The following PCDHA1 variants were observed in gnomAD, a reference collection of about 807,000 sequenced individuals.
PCDHA1 encodes the protein protocadherin alpha 1.
A neutral mutation model predicts 61.3 loss-of-function variants in PCDHA1; 42 were observed. That is an observed-to-expected ratio of 0.69 (90% confidence interval 0.54 to 0.89). The LOEUF (loss-of-function observed/expected upper bound fraction) is 0.89, where lower values mean the gene tolerates loss of function less well. Among genes scored for constraint, PCDHA1 ranks in the 40% least tolerant of loss-of-function variants. PCDHA1 has a pLI of 0.00. For synonymous variants in PCDHA1, 610 were observed against 553.8 expected, an observed-to-expected ratio of 1.10 and a Z score of -1.43; for missense variants, 1,256 against 1,235.3, an observed-to-expected ratio of 1.02 and a Z score of -0.25.
intron 1 of PCDHA1, chr5:140,882,471 C>A: frequency 6.2e-7 from 1 of 1,614,024 alleles, no homozygotes; most frequent in African/African-American, 1.3e-5. Flanking sequence ...CGGGTGGCGT[C>A]CAAAAGACAC....
At chr5:140,808,435 G>C in intron 1 of PCDHA1, 2 of 1,614,194 alleles carry the variant, frequency 1.2e-6, no homozygotes, top group Non-Finnish European at 1.7e-6. Context: ...TGGACCGCGA[G>C]AGCGTGTCAG....
intron 1 of PCDHA1, chr5:140,807,066 C>A (rs1197235806): frequency 1.3e-5 from 15 of 1,141,378 alleles, no homozygotes; most frequent in Admixed American, 9.1e-5. Flanking sequence ...CTGGAAGGAA[C>A]CATATACACT....
intron 1 of PCDHA1, among the ~76,000 whole-genome samples, chr5:140,831,469 C>T (rs2150194603): frequency 8.2e-6 from 1 of 122,106 alleles, no homozygotes; most frequent in Non-Finnish European, 1.7e-5. Flanking sequence ...AAGTGATTCT[C>T]TCACCTCAGC....
chr5:140,912,612 A>T (rs1286245692), intron 1 of PCDHA1, among the ~76,000 whole-genome samples: 1 of 151,994 alleles, frequency 6.6e-6, no homozygotes, highest in South Asian at 2.1e-4. Context: ...CTCTTGTCTG[A>T]TTACTCTGGA....
At chr5:140,875,339 T>C in intron 1 of PCDHA1, 2 of 1,441,270 alleles carry the variant, frequency 1.4e-6, no homozygotes, top group Non-Finnish European at 1.8e-6. Flanking sequence ...TAGGATCGAC[T>C]CCATAATGAC....
intron 1 of PCDHA1, chr5:140,831,274 GTCT>G (rs1554133162): frequency 2.0e-5 from 3 of 152,218 alleles, no homozygotes; most frequent in East Asian, 3.9e-4. Flanking sequence ...TCACTTGATG[GTCT>G]TCTCTTCATG....
intron 1 of PCDHA1, chr5:140,795,533 A>G: frequency 6.2e-7 from 1 of 1,614,184 alleles, no homozygotes; most frequent in Non-Finnish European, 8.5e-7. Context: ...GAACTAAGCG[A>G]ATCTTTGTCT....
chr5:140,798,290 GTA>G (rs1554120645), intron 1 of PCDHA1, among the ~76,000 whole-genome samples: 1 of 152,154 alleles, frequency 6.6e-6, no homozygotes, highest in Non-Finnish European at 1.5e-5. Flanking sequence ...CTAATCTTAA[GTA>G]TGTTTTTTAT....
At chr5:140,884,066 G>C in intron 1 of PCDHA1, 3 of 1,613,514 alleles carry the variant, frequency 1.9e-6, no homozygotes, top group Non-Finnish European at 2.5e-6. Flanking sequence ...GGTGGACGCC[G>C]ATTCGGGCTA....
At chr5:140,985,562 C>G (rs1477250763) in intron 3 of PCDHA1, among the ~76,000 whole-genome samples, 1 of 152,116 alleles carries the variant, frequency 6.6e-6, no homozygotes, top group Non-Finnish European at 1.5e-5. Flanking sequence ...CAAAAGGCTT[C>G]TTTCTGGTGC....
chr5:140,859,198 T>C lies in PCDHA1; in HGVS notation c.2394+70514T>C, dbSNP rs1554152210. 2.0e-5 allele frequency: 3 copies of C among 149,984 alleles called. 1 individual carries two copies. The highest frequency in any genetic ancestry group is 7.3e-5 in the African/African-American group (3 of 40,916). The allele number at this position is 149,984 out of a possible 1,614,324, so 9.3% of individuals were successfully genotyped here. A position where few individuals can be genotyped will look rare whatever the true frequency, so the allele number is the denominator to read the frequency against. ...CAGCATTAGGCATTGCTTATGATAT[T>C]CAGGTATTAGCTCTTTCACTTTAAG... On this transcript the variant is annotated intron_variant, in intron 1 of 3. Coordinates refer to ENST00000504120, the MANE Select transcript of PCDHA1 (RefSeq NM_018900.4).
At chr5:140,841,732 C>A (rs1554138500) in intron 1 of PCDHA1, 4 of 1,613,740 alleles carry the variant, frequency 2.5e-6, no homozygotes, top group Non-Finnish European at 2.5e-6. Flanking sequence ...GGGTAAAAGA[C>A]CAAAAGCTGT....
chr5:140,954,181 T>C (rs1342526768), intron 1 of PCDHA1, among the ~76,000 whole-genome samples: 1 of 152,234 alleles, frequency 6.6e-6, no homozygotes, highest in Non-Finnish European at 1.5e-5. Flanking sequence ...ATCCAGTCTA[T>C]CATTGATGGG....
At chr5:140,955,397 A>T (rs1470827673) in intron 1 of PCDHA1, among the ~76,000 whole-genome samples, 19 of 152,128 alleles carry the variant, frequency 1.2e-4, no homozygotes, top group Admixed American at 1.1e-3. Context: ...CAATTATCCC[A>T]TACAGTTCTC....
At chr5:140,991,985 A>G (rs114196704) in intron 3 of PCDHA1, among the ~76,000 whole-genome samples, 1,827 of 150,246 alleles carry the variant, frequency 0.012, 17 homozygotes, top group Non-Finnish European at 0.019. Context: ...TCTGCCTACC[A>G]CCCGGTCTTT....
At chr5:140,842,267 T>C (rs2150333098) in intron 1 of PCDHA1, 11 of 1,610,674 alleles carry the variant, frequency 6.8e-6, no homozygotes, top group African/African-American at 5.3e-5. Flanking sequence ...AGAAAACTTA[T>C]ACAAAATCCT....
chr5:140,824,958 T>C (rs2150072041), intron 1 of PCDHA1: 1 of 152,280 alleles, frequency 6.6e-6, no homozygotes, highest in African/African-American at 2.4e-5. Context: ...AATTATATTT[T>C]TCATTTTATT....
rs534595431 is a variant in PCDHA1 at position 140,908,278 on chromosome 5, TG to T, written c.2395-70670del. On this transcript the variant is annotated intron_variant, in intron 1 of 3. Coordinates refer to ENST00000504120, the MANE Select transcript of PCDHA1 (RefSeq NM_018900.4). Reference sequence around the variant, plus strand: ...CATAGGGAACTCCCCATGAGGCCATTGTTGCAAGCTGGGGAAGAGAAGGAAG... The same window carrying T: ...CATAGGGAACTCCCCATGAGGCCATTTTGCAAGCTGGGGAAGAGAAGGAAG... Among the ~76,000 whole-genome samples the T allele has an allele frequency of 1.3e-3, 196 of 152,290 alleles. 1 individual carries two copies. Among genetic ancestry groups the T allele is most frequent in the African/African-American group, 4.6e-3 (191 of 41,570 alleles).
At chr5:140,875,780 G>C in intron 1 of PCDHA1, 3 of 1,614,128 alleles carry the variant, frequency 1.9e-6, no homozygotes, top group Admixed American at 3.3e-5. Flanking sequence ...GCGGAGTGCA[G>C]TATCCACCTG....
Sources: gnomAD v4.1 joint callset for allele counts (sites outside exome capture counted in the v4.1 genomes callset) on GRCh38, gnomAD v4.1.1 for gene constraint, MANE v1.5 for transcripts, NCBI Gene and HGNC (gene_info 2026-07-23, HGNC 2026-07-21) for gene names.